The following ERC1 variants were observed in gnomAD, a reference collection of about 807,000 sequenced individuals.
ERC1 encodes the protein RAB6 interacting protein 2.
A neutral mutation model predicts 132.0 loss-of-function variants in ERC1; 56 were observed. The observed-to-expected ratio is 0.42, with a 90% CI of 0.34 to 0.53. The LOEUF (loss-of-function observed/expected upper bound fraction) is 0.53. Ranked by LOEUF, ERC1 falls within the 20% of genes least tolerant of loss-of-function variation. The probability of loss-of-function intolerance (pLI) is 0.03; values close to 1 mark genes in which losing one functional copy is unlikely to be tolerated. For missense variants in ERC1, 1,202 were observed against 1,349.9 expected (o/e 0.89, Z 1.72); for synonymous variants, 478 against 476.1 (o/e 1.00, Z -0.05).
intron 12 of ERC1, among the ~76,000 whole-genome samples, chr12:1,233,905 G>A (rs1433660484): frequency 6.6e-6 from 1 of 152,034 alleles, no homozygotes; most frequent in Non-Finnish European, 1.5e-5. Flanking sequence ...ATTCAAATGG[G>A]GAAATTTGAA....
chr12:1,266,290 A>G (rs1172917544), intron 14 of ERC1, among the ~76,000 whole-genome samples: 1 of 150,370 alleles, frequency 6.7e-6, no homozygotes, highest in Non-Finnish European at 1.5e-5. Flanking sequence ...GGTTCAAGGT[A>G]TGAAGAAATT....
At chr12:1,333,583 A>C (rs927112913) in intron 15 of ERC1, among the ~76,000 whole-genome samples, 2 of 152,112 alleles carry the variant, frequency 1.3e-5, no homozygotes, top group South Asian at 4.1e-4. Flanking sequence ...CACCCATCTC[A>C]GCCTCCCAAA....
At position 1,356,213 on chromosome 12, in the gene ERC1, AGTGTGTGTGT is replaced by A. The variant is rs71055145; in HGVS notation, c.2781-15595_2781-15586del. On this transcript the variant is annotated intron_variant, in intron 15 of 18. Transcript: ENST00000360905. ...AGTGAGACTGTCAAAAAAAAAAAAA[AGTGTGTGTGT>A]GTGTGTGTGTGTGTGTGTGTGTGTT... is the stretch of plus-strand genomic sequence containing the variant. Among the ~76,000 whole-genome samples the A allele has an allele frequency of 3.4e-3, 441 of 130,010 alleles. 3 individuals carry two copies. The highest frequency in any genetic ancestry group is 8.3e-3 in the Middle Eastern group (2 of 242). 85.3% of individuals were successfully genotyped at this position (130,010 alleles called of 152,430 possible). A position where few individuals can be genotyped will look rare whatever the true frequency, so the allele number is the denominator to read the frequency against.
intron 13 of ERC1, among the ~76,000 whole-genome samples, chr12:1,254,375 A>G (rs2076657814): frequency 6.6e-6 from 1 of 152,144 alleles, no homozygotes; most frequent in Non-Finnish European, 1.5e-5. Flanking sequence ...CTGCCAATTT[A>G]ATGCTTTTTT....
At chr12:1,206,675 T>G (rs78821868) in intron 12 of ERC1, among the ~76,000 whole-genome samples, 3 of 152,104 alleles carry the variant, frequency 2.0e-5, no homozygotes, top group Non-Finnish European at 4.4e-5. Context: ...GATGAAAATA[T>G]ATGATTTGGT....
Position 1,490,352 on chromosome 12 carries a change from C to A in ERC1, c.*122C>A. ...TACAAACTTCATCCCAACTTGCTCACTTGAAGAAGTGTGATTCCAGCACCG... is the reference window on the plus strand; with the variant it reads ...TACAAACTTCATCCCAACTTGCTCAATTGAAGAAGTGTGATTCCAGCACCG... On this transcript the variant is annotated 3_prime_UTR_variant, in exon 19 of 19. Coordinates refer to ENST00000360905, the MANE Select transcript of ERC1 (RefSeq NM_178040.4). 1 of 939,186 alleles carries A rather than the reference C, an allele frequency of 1.1e-6. No individual in the cohort carries two copies. Among genetic ancestry groups the A allele is most frequent in the African/African-American group, 1.7e-5 (1 of 60,520 alleles). 58.2% of individuals were successfully genotyped at this position (939,186 alleles called of 1,614,324 possible). A position where few individuals can be genotyped will look rare whatever the true frequency, so the allele number is the denominator to read the frequency against.
chr12:1,399,677 A>G (rs1341533435), intron 16 of ERC1, among the ~76,000 whole-genome samples: 1 of 152,194 alleles, frequency 6.6e-6, no homozygotes, highest in Non-Finnish European at 1.5e-5. Flanking sequence ...TTAACTTGGC[A>G]TCATGTTTTC....
At chr12:1,382,383 C>T (rs539480452) in intron 16 of ERC1, among the ~76,000 whole-genome samples, 1 of 152,348 alleles carries the variant, frequency 6.6e-6, no homozygotes, top group African/African-American at 2.4e-5. Context: ...CTAACTCCAG[C>T]TCTCGTGACC....
At chr12:1,210,930 G>T (rs1391451050) in intron 12 of ERC1, among the ~76,000 whole-genome samples, 1 of 151,724 alleles carries the variant, frequency 6.6e-6, no homozygotes, top group Non-Finnish European at 1.5e-5. Flanking sequence ...GGGAGGTAGA[G>T]GTTGCAGTGA....
intron 15 of ERC1, among the ~76,000 whole-genome samples, chr12:1,329,279 G>C (rs1187417084): frequency 6.5e-5 from 9 of 138,752 alleles, no homozygotes; most frequent in African/African-American, 1.6e-4. Context: ...GGGCGACAGA[G>C]CAAGACTCTG....
At position 1,039,096 on chromosome 12, in the gene ERC1, G is replaced by T. The variant is rs1297224467; in HGVS notation, c.669+10524G>T. Among the ~76,000 whole-genome samples, 61 of 151,998 alleles carry T rather than the reference G, an allele frequency of 4.0e-4. 2 individuals carry two copies. The highest frequency in any genetic ancestry group is 4.0e-3 in the Admixed American group (61 of 15,258). On this transcript the variant is annotated intron_variant, in intron 2 of 18. Coordinates refer to ENST00000360905, the MANE Select transcript of ERC1 (RefSeq NM_178040.4). ...TCACGCCTGTAATCCCAGCACTTTG[G>T]GAGGCCGAGGCTGGCGGATCACGAG...
chr12:1,094,105 G>C (rs61667003), intron 3 of ERC1, among the ~76,000 whole-genome samples: 3,085 of 148,460 alleles, frequency 0.021, 102 homozygotes, highest in African/African-American at 0.073. Flanking sequence ...CGCAACCTCC[G>C]CGTCCCGGGT....
intron 8 of ERC1, among the ~76,000 whole-genome samples, chr12:1,155,296 C>T (rs902822482): frequency 6.8e-5 from 8 of 116,966 alleles, no homozygotes; most frequent in Non-Finnish European, 1.3e-4. Flanking sequence ...ACTGCACTCA[C>T]AGGGCGAGAC....
chr12:1,182,737 C>G (rs112486295), intron 10 of ERC1, among the ~76,000 whole-genome samples: 5,615 of 151,948 alleles, frequency 0.037, 319 homozygotes, highest in African/African-American at 0.13. Flanking sequence ...TCATAGCTCA[C>G]TGCAGTCTTG....
At chr12:1,096,403 G>A (rs984902933) in intron 3 of ERC1, among the ~76,000 whole-genome samples, 1 of 152,174 alleles carries the variant, frequency 6.6e-6, no homozygotes, top group African/African-American at 2.4e-5. Context: ...GTAAAGTATA[G>A]GTTATAAAAT....
At chr12:1,241,150 C>G (rs1263140496) in intron 13 of ERC1, among the ~76,000 whole-genome samples, 1 of 152,158 alleles carries the variant, frequency 6.6e-6, no homozygotes, top group Non-Finnish European at 1.5e-5. Context: ...TATAGTACTT[C>G]CAGCAGTTTG....
intron 11 of ERC1, among the ~76,000 whole-genome samples, chr12:1,184,325 T>A (rs1954829056): frequency 6.6e-6 from 1 of 152,056 alleles, no homozygotes. Context: ...AAGTTTTTTT[T>A]ATTTGTTATA....
At chr12:1,041,002 G>A (rs544729272) in intron 2 of ERC1, among the ~76,000 whole-genome samples, 2 of 152,030 alleles carry the variant, frequency 1.3e-5, no homozygotes, top group African/African-American at 4.8e-5. Context: ...TCTTAAACTT[G>A]TTGGCCACAG....
At chr12:1,059,222 A>G (rs11831048) in intron 2 of ERC1, among the ~76,000 whole-genome samples, 6,101 of 152,246 alleles carry the variant, frequency 0.04, 208 homozygotes, top group African/African-American at 0.088. Context: ...TATAAGTTCT[A>G]AGATTGTTTT....
Sources: gnomAD v4.1 joint callset for allele counts (sites outside exome capture counted in the v4.1 genomes callset) on GRCh38, gnomAD v4.1.1 for gene constraint, MANE v1.5 for transcripts, NCBI Gene and HGNC (gene_info 2026-07-23, HGNC 2026-07-21) for gene names.